DNAH3: variants seen among roughly 807,000 people sequenced by gnomAD.
DNAH3 encodes the protein axonemal beta dynein heavy chain 3.
Under a neutral mutation model 432.5 loss-of-function variants are expected in DNAH3, and 332 were observed. That is an observed-to-expected ratio of 0.77 (90% CI 0.70 to 0.84). The LOEUF is 0.84. Among genes scored for constraint, DNAH3 ranks in the 40% least tolerant of loss-of-function variants. The probability of loss-of-function intolerance (pLI) is 0.00; values close to 1 mark genes in which losing one functional copy is unlikely to be tolerated. For synonymous variants in DNAH3, 1,956 were observed against 1,900.2 expected (o/e 1.03, Z -0.76); for missense variants, 4,861 against 5,114.0 (o/e 0.95, Z 1.51).
intron 28 of DNAH3, among the ~76,000 whole-genome samples, chr16:21,053,752 G>C (rs1597253066): frequency 6.6e-6 from 1 of 152,118 alleles, no homozygotes; most frequent in Non-Finnish European, 1.5e-5. Flanking sequence ...CAACCAGCCT[G>C]GTCCAGCCCT....
intron 23 of DNAH3, among the ~76,000 whole-genome samples, chr16:21,068,614 C>G (rs1029654743): frequency 6.6e-6 from 1 of 152,174 alleles, no homozygotes; most frequent in Non-Finnish European, 1.5e-5. Flanking sequence ...CGCACTCAGC[C>G]AAGGCAGCAA....
At chr16:21,148,546 C>T (rs7196889) in intron 1 of DNAH3, among the ~76,000 whole-genome samples, 1 of 151,570 alleles carries the variant, frequency 6.6e-6, no homozygotes, top group Non-Finnish European at 1.5e-5. Context: ...TAGGTTCGAG[C>T]GATTCTCCTG....
At chr16:20,970,455 C>T (rs372395766) in intron 51 of DNAH3, among the ~76,000 whole-genome samples, 2 of 152,118 alleles carry the variant, frequency 1.3e-5, no homozygotes, top group South Asian at 2.1e-4. Flanking sequence ...ACTGGGGAGG[C>T]GGAGGTTGCA....
chr16:20,985,880 G>C (rs1451367899), intron 47 of DNAH3, among the ~76,000 whole-genome samples, 165 bp from the exon 48 acceptor site: 2 of 151,986 alleles, frequency 1.3e-5, no homozygotes, highest in South Asian at 2.1e-4. Flanking sequence ...TTTTGAGACA[G>C]AGTCTCACTC....
At chr16:20,952,581 T>G (rs1408045300) in intron 55 of DNAH3, 32 bp from the exon 56 acceptor site, 2 of 1,357,842 alleles carry the variant, frequency 1.5e-6, no homozygotes, top group Admixed American at 3.4e-5. Flanking sequence ...GAGGCTTCAG[T>G]GCTGAGAGCT....
intron 38 of DNAH3, 123 bp from the exon 39 acceptor site, chr16:21,024,824 C>T (rs1040478389): frequency 4.0e-5 from 31 of 770,240 alleles, no homozygotes; most frequent in Non-Finnish European, 6.3e-5. Context: ...TTGACAATAA[C>T]CTAGTCCCCT....
chr16:20,975,324 G>A (rs148454192), exon 51 of DNAH3: 20 of 1,613,916 alleles, frequency 1.2e-5, no homozygotes, highest in Middle Eastern at 3.3e-4. Context: ...TCTCGTCTCC[G>A]CTTCAATTTT....
chr16:21,132,854 T>C (rs1427014753), intron 7 of DNAH3, among the ~76,000 whole-genome samples: 2 of 152,120 alleles, frequency 1.3e-5, no homozygotes, highest in African/African-American at 4.8e-5. Flanking sequence ...AAACTTGCAT[T>C]GTGTACTTTC....
intron 16 of DNAH3, among the ~76,000 whole-genome samples, chr16:21,102,223 A>C (rs964613325): frequency 5.3e-5 from 8 of 152,164 alleles, no homozygotes; most frequent in Admixed American, 1.3e-4. Context: ...CCAGCGGATG[A>C]GATCAAGCTG....
chr16:21,060,526 C>CTTTTTTT (rs375746116), intron 25 of DNAH3, among the ~76,000 whole-genome samples, 170 bp from the exon 26 acceptor site: 7 of 93,418 alleles, frequency 7.5e-5, no homozygotes, highest in Admixed American at 1.4e-4. Flanking sequence ...TTTTTTTTTT[C>CTTTTTTT]TTTTTTTTTT....
At chr16:21,136,468 C>T (rs1407743317) in exon 6 of DNAH3, 1 of 1,614,166 alleles carries the variant, frequency 6.2e-7, no homozygotes. Flanking sequence ...TCCTCAGGGG[C>T]AATCATGTCT....
intron 55 of DNAH3, 62 bp from the exon 56 acceptor site, chr16:20,952,611 C>G: frequency 9.3e-7 from 1 of 1,077,522 alleles, no homozygotes; most frequent in Non-Finnish European, 1.4e-6. Flanking sequence ...CACTCAAAGA[C>G]CAAGCCGAGG....
intron 18 of DNAH3, among the ~76,000 whole-genome samples, chr16:21,091,943 ACT>A (rs1467344971): frequency 6.6e-6 from 1 of 152,160 alleles, no homozygotes; most frequent in Non-Finnish European, 1.5e-5. Flanking sequence ...ACTACAAAAA[ACT>A]CTGATGAAAG....
chr16:21,075,673 G>A, intron 20 of DNAH3, 112 bp from the exon 21 acceptor site: 2 of 793,282 alleles, frequency 2.5e-6, no homozygotes, highest in Non-Finnish European at 4.3e-6. Flanking sequence ...AGCACTTTGG[G>A]AGGCCGAGGA....
chr16:21,020,389 ATATATATATTT>A (rs1363098348), intron 40 of DNAH3, among the ~76,000 whole-genome samples: 1 of 29,936 alleles, frequency 3.3e-5, no homozygotes, highest in African/African-American at 1.6e-4. Flanking sequence ...ATATATATAT[ATATATATATTT>A]TTTTTTTTTT....
chr16:21,100,739 G>C (rs1003294156), intron 16 of DNAH3, among the ~76,000 whole-genome samples: 6 of 152,120 alleles, frequency 3.9e-5, no homozygotes, highest in African/African-American at 1.4e-4. Context: ...TGATGGGGGA[G>C]AGAGGCAATG....
chr16:21,132,850 G>T (rs2092586046), intron 7 of DNAH3, among the ~76,000 whole-genome samples: 2 of 152,008 alleles, frequency 1.3e-5, no homozygotes, highest in Non-Finnish European at 2.9e-5. Flanking sequence ...TTAAAAACTT[G>T]CATTGTGTAC....
chr16:20,955,158 T>C (rs1018833950), intron 54 of DNAH3, 101 bp from the exon 55 acceptor site: 39 of 1,191,752 alleles, frequency 3.3e-5, no homozygotes, highest in Admixed American at 1.2e-4. Context: ...CAGACCAGCC[T>C]GGGTAACATG....
intron 19 of DNAH3, among the ~76,000 whole-genome samples, chr16:21,084,154 A>G (rs2091287346): frequency 6.6e-6 from 1 of 152,010 alleles, no homozygotes; most frequent in Non-Finnish European, 1.5e-5. Context: ...CAGTTTTCCA[A>G]TCCGTGAAAT....
Sources: allele counts gnomAD v4.1 joint callset (sites outside exome capture counted in the v4.1 genomes callset), GRCh38; gene constraint gnomAD v4.1.1; transcripts MANE v1.5; gene names NCBI Gene and HGNC (gene_info 2026-07-23, HGNC 2026-07-21).